Variants in KIRREL3 observed in about 807,000 individuals in gnomAD.
The protein encoded by KIRREL3 is kirre like nephrin family adhesion molecule 3.
A neutral mutation model predicts 89.7 loss-of-function variants in KIRREL3; 36 were observed. The observed-to-expected ratio is 0.40, with a 90% confidence interval of 0.31 to 0.53. KIRREL3 has a LOEUF of 0.53. Ranked by LOEUF, KIRREL3 falls within the 20% of genes least tolerant of loss-of-function variation. KIRREL3 has a pLI of 0.49. For missense variants in KIRREL3, 864 were observed against 1,056.6 expected (o/e 0.82, Z 2.53); for synonymous variants, 445 against 441.4 (o/e 1.01, Z -0.10).
At chr11:126,825,707 C>T (rs1050114769) in intron 1 of KIRREL3, among the ~76,000 whole-genome samples, 8 of 152,084 alleles carry the variant, frequency 5.3e-5, no homozygotes, top group Non-Finnish European at 2.9e-5. Flanking sequence ...TTCATTGGTC[C>T]CTTTGATTCC....
rs1394829186 is a variant in KIRREL3, at chr11:126,773,567, G to T, written c.56-210655C>A. 2.0e-5 allele frequency among the ~76,000 whole-genome samples: 3 copies of T among 152,224 alleles called. No homozygotes were observed. In the East Asian group the frequency reaches 5.8e-4, roughly 29 times the overall value. On this transcript the variant is annotated intron_variant, in intron 1 of 16. Coordinates refer to ENST00000525144, the MANE Select transcript of KIRREL3 (RefSeq NM_032531.4). This position sits in a 1 kb window ranked among gnomAD's most constrained non-coding sequence, Gnocchi z 4.2. ...GAATCCTGACTAATTCAAAGCCAAA[G>T]AGTGCTAGAGCTGGGTCTAGATCCT...
At chr11:126,790,652 A>G (rs571084344) in intron 1 of KIRREL3, among the ~76,000 whole-genome samples, 11 of 152,340 alleles carry the variant, frequency 7.2e-5, no homozygotes, top group South Asian at 2.1e-4. Context: ...AACGTAAACA[A>G]CATAACCAGG....
chr11:126,978,018 C>T lies in KIRREL3; in HGVS notation c.55+22437G>A, dbSNP rs1196557516. ...TTGAGTGGATTTCTGTAGTACGACT[C>T]TGCTGCCAGTCTACTGACAGCCTCC... is the stretch of plus-strand genomic sequence containing the variant. On this transcript the variant is annotated intron_variant, in intron 1 of 16. Coordinates refer to ENST00000525144, the MANE Select transcript of KIRREL3 (RefSeq NM_032531.4). This position sits in a 1 kb window ranked among gnomAD's most constrained non-coding sequence, Gnocchi z 4.2. Among the ~76,000 whole-genome samples the T allele has an allele frequency of 2.0e-5, 3 of 152,176 alleles. No homozygotes were observed. Among genetic ancestry groups the T allele is most frequent in the African/African-American group, 7.2e-5 (3 of 41,452 alleles).
rs1950398363 is a variant in KIRREL3 at position 126,783,759 on chromosome 11, T to C, written c.55+216696A>G. On this transcript the variant is annotated intron_variant, in intron 1 of 16. Coordinates refer to ENST00000525144, the MANE Select transcript of KIRREL3 (RefSeq NM_032531.4). The surrounding 1 kb of genome is among the most constrained non-coding windows in gnomAD (Gnocchi z 4.3). ...GCCCTCAAAGAAGTAGAGTATAGCT[T>C]CCCGCTCCTTAAGCGTGGGCTGCAC... 1.3e-5 allele frequency among the ~76,000 whole-genome samples: 2 copies of C among 152,208 alleles called. No individual in the cohort carries two copies.
At position 126,729,440 on chromosome 11, in the gene KIRREL3, G is replaced by A. The variant is rs1022540987; in HGVS notation, c.56-166528C>T. 3.3e-5 allele frequency among the ~76,000 whole-genome samples: 5 copies of A among 152,144 alleles called. No individual in the cohort carries two copies. The highest frequency in any genetic ancestry group is 9.7e-5 in the African/African-American group (4 of 41,428). ...GGAGAGACAGGAAATTGAAATTGGC[G>A]CCATTCTTCTAGATTGCCCAGAGTC... On this transcript the variant is annotated intron_variant, in intron 1 of 16. Transcript: ENST00000525144. The surrounding 1 kb of genome is among the most constrained non-coding windows in gnomAD (Gnocchi z 4.5).
rs1374714028 is a variant in KIRREL3, at chr11:126,635,577, C to T, written c.56-72665G>A. 6.6e-6 allele frequency among the ~76,000 whole-genome samples: 1 copy of T among 152,094 alleles called. No individual in the cohort carries two copies. Among genetic ancestry groups the T allele is most frequent in the Non-Finnish European group, 1.5e-5 (1 of 68,018 alleles). ...CTGGATGCTGGGTTCCCATTGTACA[C>T]CCCCAGCAACGAGCCCCCCTGCCAG... On this transcript the variant is annotated intron_variant, in intron 1 of 16. Transcript: ENST00000525144. The surrounding 1 kb of genome is among the most constrained non-coding windows in gnomAD (Gnocchi z 4.0).
chr11:126,733,781 T>G (rs1948711876), intron 1 of KIRREL3, among the ~76,000 whole-genome samples: 1 of 152,214 alleles, frequency 6.6e-6, no homozygotes, highest in Non-Finnish European at 1.5e-5. Flanking sequence ...TTGAACGGGT[T>G]GCTGCTTTTT....
At position 126,476,388 on chromosome 11, in the gene KIRREL3, C is replaced by G. The variant is rs1419800112; in HGVS notation, c.434-2922G>C. Among the ~76,000 whole-genome samples, 2 of 152,148 alleles carry G rather than the reference C, an allele frequency of 1.3e-5. No individual in the cohort carries two copies. The highest frequency in any genetic ancestry group is 4.8e-5 in the African/African-American group (2 of 41,424). On this transcript the variant is annotated intron_variant, in intron 4 of 16. Coordinates refer to ENST00000525144, the MANE Select transcript of KIRREL3 (RefSeq NM_032531.4). The surrounding 1 kb of genome is among the most constrained non-coding windows in gnomAD (Gnocchi z 6.4). ...GCACAGTGCAGCCACCAAGGCCTTC[C>G]CGAGAATCCAAGACCCAGAGGACGG...
Position 126,562,423 on chromosome 11 carries a change from C to G in KIRREL3, c.133+412G>C, listed in dbSNP as rs1318137997. 2.0e-5 allele frequency among the ~76,000 whole-genome samples: 3 copies of G among 152,088 alleles called. No homozygotes were observed. The highest frequency in any genetic ancestry group is 2.4e-5 in the African/African-American group (1 of 41,398). ...TTCTTCTTTGGTATTCTCCTAAGTG[C>G]CTGTATAGTGCTGTTTATTCAACAG... On this transcript the variant is annotated intron_variant, in intron 2 of 16. Transcript: ENST00000525144. This position sits in a 1 kb window ranked among gnomAD's most constrained non-coding sequence, Gnocchi z 4.7.
chr11:126,504,349 C>T (rs1957956308), intron 4 of KIRREL3, among the ~76,000 whole-genome samples: 1 of 152,162 alleles, frequency 6.6e-6, no homozygotes, highest in African/African-American at 2.4e-5. Flanking sequence ...TTTAAAATAT[C>T]ACTCAGATCC....
chr11:126,814,367 C>T lies in KIRREL3; in HGVS notation c.55+186088G>A, dbSNP rs1951490735. Reference sequence around the variant, plus strand: ...TAAATTAGTTCAACCATTGTGGTCTCAAAGACCTACAGTCAGAAACACCAT... The same window carrying T: ...TAAATTAGTTCAACCATTGTGGTCTTAAAGACCTACAGTCAGAAACACCAT... On this transcript the variant is annotated intron_variant, in intron 1 of 16. Coordinates refer to ENST00000525144, the MANE Select transcript of KIRREL3 (RefSeq NM_032531.4). The surrounding 1 kb of genome is among the most constrained non-coding windows in gnomAD (Gnocchi z 4.4). 6.6e-6 allele frequency among the ~76,000 whole-genome samples: 1 copy of T among 152,150 alleles called. No homozygotes were observed. Among genetic ancestry groups the T allele is most frequent in the Non-Finnish European group, 1.5e-5 (1 of 68,024 alleles).
rs1272781517 is a variant in KIRREL3, at chr11:126,770,923, C to T, written c.56-208011G>A. Among the ~76,000 whole-genome samples the T allele has an allele frequency of 2.6e-5, 4 of 152,158 alleles. No homozygotes were observed. In the East Asian group the frequency reaches 7.7e-4, roughly 29 times the overall value. ...CGATCTCGGCTCACTGCAAACTCCA[C>T]CTCCCAGGTTCAAGTGATTTTCCTG... On this transcript the variant is annotated intron_variant, in intron 1 of 16. Coordinates refer to ENST00000525144, the MANE Select transcript of KIRREL3 (RefSeq NM_032531.4).
chr11:126,569,946 G>A lies in KIRREL3; in HGVS notation c.56-7034C>T, dbSNP rs1291982548. ...ATTCTGCTAAACTGCTTTCTGCATC[G>A]GTTCTGCCTACTCCTATTTTCAGCA... is the stretch of plus-strand genomic sequence containing the variant. On this transcript the variant is annotated intron_variant, in intron 1 of 16. Transcript: ENST00000525144. The surrounding 1 kb of genome is among the most constrained non-coding windows in gnomAD (Gnocchi z 6.5). 1.3e-5 allele frequency among the ~76,000 whole-genome samples: 2 copies of A among 152,032 alleles called. No homozygotes were observed. Among genetic ancestry groups the A allele is most frequent in the East Asian group, 1.9e-4 (1 of 5,184 alleles).
chr11:126,919,625 G>C (rs534089010), intron 1 of KIRREL3, among the ~76,000 whole-genome samples: 1 of 152,330 alleles, frequency 6.6e-6, no homozygotes, highest in African/African-American at 2.4e-5. Context: ...AGTGGCCAAG[G>C]ACATGCTTCA....
chr11:126,625,317 C>G lies in KIRREL3; in HGVS notation c.56-62405G>C, dbSNP rs537294955. 2.0e-5 allele frequency among the ~76,000 whole-genome samples: 3 copies of G among 152,232 alleles called. No individual in the cohort carries two copies. The South Asian group carries it at 6.2e-4, about 32-fold the overall frequency. Reference sequence around the variant, plus strand: ...ATTCTCAGTTACCTTTAGGTAGGGTCTCTGGAAATCATTTGAGTATATGGC... The same window carrying G: ...ATTCTCAGTTACCTTTAGGTAGGGTGTCTGGAAATCATTTGAGTATATGGC... On this transcript the variant is annotated intron_variant, in intron 1 of 16. Coordinates refer to ENST00000525144, the MANE Select transcript of KIRREL3 (RefSeq NM_032531.4).
At chr11:126,884,035 A>C (rs1945608479) in intron 1 of KIRREL3, among the ~76,000 whole-genome samples, 1 of 152,336 alleles carries the variant, frequency 6.6e-6, no homozygotes, top group African/African-American at 2.4e-5. Flanking sequence ...AATGATCCTT[A>C]TGATGCTTTT....
intron 1 of KIRREL3, among the ~76,000 whole-genome samples, chr11:126,693,303 C>A (rs1946952480): frequency 6.6e-6 from 1 of 152,164 alleles, no homozygotes; most frequent in Admixed American, 6.5e-5. Flanking sequence ...CACCTGTAAT[C>A]CCAGCTACTC....
intron 1 of KIRREL3, among the ~76,000 whole-genome samples, chr11:126,838,016 G>T (rs1943837877): frequency 1.3e-5 from 2 of 152,114 alleles, no homozygotes; most frequent in Admixed American, 1.3e-4. Context: ...AGACCTGTAA[G>T]TCATTGCCCA....
intron 1 of KIRREL3, among the ~76,000 whole-genome samples, chr11:126,834,769 A>T (rs1943723792): frequency 6.6e-6 from 1 of 152,268 alleles, no homozygotes; most frequent in Non-Finnish European, 1.5e-5. Flanking sequence ...TCATCTGTGC[A>T]GCTGGCCCTG....
Sources: allele counts gnomAD v4.1 joint callset (sites outside exome capture counted in the v4.1 genomes callset), GRCh38; gene constraint gnomAD v4.1.1; non-coding constraint Gnocchi (gnomAD v3.1); transcripts MANE v1.5; gene names NCBI Gene and HGNC (gene_info 2026-07-23, HGNC 2026-07-21).